Variants in AOAH observed in about 807,000 individuals in gnomAD.
AOAH encodes the protein acyloxyacyl hydrolase.
AOAH carries 64 observed loss-of-function variants against 92.2 expected under a neutral mutation model. That is an observed-to-expected ratio of 0.69 (90% CI 0.57 to 0.86). The LOEUF is 0.86. AOAH is among the 40% of genes least tolerant of loss of function. The probability of loss-of-function intolerance (pLI) is 0.00; values close to 1 mark genes in which losing one functional copy is unlikely to be tolerated. For missense variants in AOAH, 656 were observed against 694.6 expected, an observed-to-expected ratio of 0.94 and a Z score of 0.62; for synonymous variants, 263 against 254.5, an observed-to-expected ratio of 1.03 and a Z score of -0.32.
At chr7:36,647,134 C>T (rs968542010) in intron 4 of AOAH, among the ~76,000 whole-genome samples, 5 of 152,132 alleles carry the variant, frequency 3.3e-5, no homozygotes, top group Non-Finnish European at 5.9e-5. Flanking sequence ...GGAGGTTACA[C>T]CCTAACAGAA....
intron 2 of AOAH, among the ~76,000 whole-genome samples, chr7:36,675,574 G>T (rs534674373): frequency 6.6e-6 from 1 of 152,152 alleles, no homozygotes; most frequent in African/African-American, 2.4e-5. Context: ...CTACAAAAAA[G>T]TTAAAGAATT....
At chr7:36,633,992 T>A (rs1021679453) in intron 5 of AOAH, among the ~76,000 whole-genome samples, 9 of 151,876 alleles carry the variant, frequency 5.9e-5, no homozygotes, top group Non-Finnish European at 5.9e-5. Flanking sequence ...CTGCCAAATG[T>A]CCCCAGGGTG....
chr7:36,652,397 G>C (rs1314117693), intron 4 of AOAH, among the ~76,000 whole-genome samples: 1 of 152,216 alleles, frequency 6.6e-6, no homozygotes, highest in African/African-American at 2.4e-5. Context: ...TTAGGGAGGA[G>C]AGAGATGTTT....
At chr7:36,647,253 C>G (rs1236002284) in intron 4 of AOAH, among the ~76,000 whole-genome samples, 1 of 152,168 alleles carries the variant, frequency 6.6e-6, no homozygotes, top group Non-Finnish European at 1.5e-5. Flanking sequence ...ACTGGCTTAA[C>G]TTGGGGCATC....
chr7:36,669,069 T>C (rs1161255042), intron 3 of AOAH, among the ~76,000 whole-genome samples: 1 of 152,170 alleles, frequency 6.6e-6, no homozygotes, highest in African/African-American at 2.4e-5. Context: ...ATCGTTATCA[T>C]CATAAATCTA....
chr7:36,595,101 A>T (rs548009100), intron 11 of AOAH, among the ~76,000 whole-genome samples: 1 of 152,358 alleles, frequency 6.6e-6, no homozygotes, highest in Admixed American at 6.5e-5. Context: ...CAGCAAAGAA[A>T]AATGTGATGA....
chr7:36,655,116 C>T (rs1201528275), intron 4 of AOAH, among the ~76,000 whole-genome samples: 1 of 152,174 alleles, frequency 6.6e-6, no homozygotes, highest in Non-Finnish European at 1.5e-5. Context: ...GGCCTGCCCA[C>T]CCCCATGTGC....
At chr7:36,532,054 G>T in intron 18 of AOAH, 93 bp downstream of exon 18, 1 of 1,461,966 alleles carries the variant, frequency 6.8e-7, no homozygotes, top group Non-Finnish European at 9.6e-7. Context: ...GAGACCATCT[G>T]CCTGCCAGGA....
intron 3 of AOAH, among the ~76,000 whole-genome samples, chr7:36,668,594 C>A (rs564105144): frequency 6.6e-6 from 1 of 152,310 alleles, no homozygotes; most frequent in Admixed American, 6.5e-5. Context: ...TCAAGTGATT[C>A]TAATGCCTCA....
intron 4 of AOAH, among the ~76,000 whole-genome samples, chr7:36,656,128 A>C (rs1794871336): frequency 6.6e-6 from 1 of 152,098 alleles, no homozygotes; most frequent in African/African-American, 2.4e-5. Flanking sequence ...ATGTATTAGA[A>C]AGAAGGAAAG....
chr7:36,596,392 T>C (rs1790126294), intron 11 of AOAH, among the ~76,000 whole-genome samples: 2 of 152,224 alleles, frequency 1.3e-5, no homozygotes, highest in South Asian at 4.1e-4. Context: ...TGAATTATGT[T>C]TCTCGAAAAG....
At chr7:36,592,856 T>C (rs1417565138) in intron 12 of AOAH, among the ~76,000 whole-genome samples, 1 of 152,242 alleles carries the variant, frequency 6.6e-6, no homozygotes, top group Non-Finnish European at 1.5e-5. Flanking sequence ...TTTACACTAA[T>C]GACAAGGACT....
chr7:36,619,451 G>A (rs1036340211), intron 9 of AOAH, among the ~76,000 whole-genome samples: 1 of 152,198 alleles, frequency 6.6e-6, no homozygotes, highest in Non-Finnish European at 1.5e-5. Context: ...TCTGAGGCCT[G>A]GGTGGGACCA....
chr7:36,694,348 A>G (rs760409423), intron 1 of AOAH, among the ~76,000 whole-genome samples: 1 of 151,938 alleles, frequency 6.6e-6, no homozygotes, highest in Non-Finnish European at 1.5e-5. Flanking sequence ...AATACAAAAA[A>G]TTAGCCAGGT....
intron 2 of AOAH, among the ~76,000 whole-genome samples, chr7:36,685,260 C>T (rs534230523): frequency 3.0e-4 from 46 of 152,282 alleles, no homozygotes; most frequent in African/African-American, 1.1e-3. Flanking sequence ...TCAAAAGACA[C>T]ATCAAACATT....
intron 1 of AOAH, among the ~76,000 whole-genome samples, chr7:36,695,067 C>T (rs538181684): frequency 5.5e-4 from 83 of 152,054 alleles, no homozygotes; most frequent in Non-Finnish European, 1.0e-3. Context: ...CCAAAATTTT[C>T]GCAATTGTTT....
intron 13 of AOAH, among the ~76,000 whole-genome samples, chr7:36,554,344 T>A (rs1335163520): frequency 1.3e-5 from 2 of 152,226 alleles, no homozygotes; most frequent in African/African-American, 4.8e-5. Context: ...TTGATCTATA[T>A]CTCTGTTTTG....
intron 6 of AOAH, among the ~76,000 whole-genome samples, chr7:36,628,564 G>A (rs576333957): frequency 6.6e-6 from 1 of 152,244 alleles, no homozygotes; most frequent in African/African-American, 2.4e-5. Flanking sequence ...TTGAAGAATG[G>A]GATAAGGCGG....
At chr7:36,622,274 C>T (rs190643124) in intron 7 of AOAH, among the ~76,000 whole-genome samples, 12 of 152,318 alleles carry the variant, frequency 7.9e-5, no homozygotes, top group African/African-American at 2.6e-4. Flanking sequence ...AAACCCTCTA[C>T]TAACCATCAG....
Sources: allele counts gnomAD v4.1 joint callset (sites outside exome capture counted in the v4.1 genomes callset), GRCh38; gene constraint gnomAD v4.1.1; transcripts MANE v1.5; gene names NCBI Gene and HGNC (gene_info 2026-07-23, HGNC 2026-07-21).